The following CACHD1 variants were observed in gnomAD, a reference collection of about 807,000 sequenced individuals.
CACHD1 encodes the protein cache domain containing 1, also known as VWFA and cache domain-containing protein 1.
CACHD1 carries 71 observed loss-of-function variants against 138.7 expected under a neutral mutation model. The ratio of observed to expected loss-of-function variants is 0.51; its 90% CI spans 0.42 to 0.62. The LOEUF (loss-of-function observed/expected upper bound fraction) is 0.62. Ranked by LOEUF, CACHD1 falls within the 20% of genes least tolerant of loss-of-function variation. The pLI, the probability that CACHD1 is intolerant of heterozygous loss-of-function variation, is 0.00. For synonymous variants in CACHD1, 578 were observed against 591.5 expected (o/e 0.98, Z 0.33); for missense variants, 1,389 against 1,625.3 (o/e 0.85, Z 2.50).
intron 7 of CACHD1, among the ~76,000 whole-genome samples, chr1:64,636,523 GTTCATGCTAAGGTTCA>G (rs1310686015): frequency 6.6e-6 from 1 of 152,144 alleles, no homozygotes; most frequent in Non-Finnish European, 1.5e-5. Context: ...GCTAAGGTTT[GTTCATGCTAAGGTTCA>G]TTCATGCTAA....
chr1:64,475,955 A>G (rs887178719), intron 1 of CACHD1, among the ~76,000 whole-genome samples: 1 of 152,176 alleles, frequency 6.6e-6, no homozygotes, highest in African/African-American at 2.4e-5. Flanking sequence ...ACACTGCAGT[A>G]GGTTAGTGCA....
At chr1:64,675,348 G>C in intron 19 of CACHD1, 53 bp from the exon 20 acceptor site, 1 of 1,437,150 alleles carries the variant, frequency 7.0e-7, no homozygotes, top group Non-Finnish European at 9.5e-7. Flanking sequence ...CCAAGGTAGG[G>C]CTGAGTCTTT....
intron 4 of CACHD1, among the ~76,000 whole-genome samples, chr1:64,617,430 C>G (rs1456373384): frequency 6.6e-6 from 1 of 151,840 alleles, no homozygotes; most frequent in Non-Finnish European, 1.5e-5. Context: ...ATTCCCTGAA[C>G]CCATGACCAG....
At chr1:64,627,342 G>A (rs1323383412) in intron 4 of CACHD1, among the ~76,000 whole-genome samples, 1 of 152,170 alleles carries the variant, frequency 6.6e-6, no homozygotes, top group Non-Finnish European at 1.5e-5. Context: ...AGGAGATCAA[G>A]GCTGCAGTGA....
intron 1 of CACHD1, among the ~76,000 whole-genome samples, chr1:64,491,839 T>G (rs925453310): frequency 1.3e-5 from 2 of 152,172 alleles, no homozygotes; most frequent in African/African-American, 4.8e-5. Flanking sequence ...CAGGCTAGTC[T>G]CAGACTCCTG....
chr1:64,631,647 C>G (rs1392094234), intron 5 of CACHD1, among the ~76,000 whole-genome samples: 2 of 152,134 alleles, frequency 1.3e-5, no homozygotes, highest in Non-Finnish European at 2.9e-5. Context: ...CTAATTTGTT[C>G]CAGCTTTAAA....
chr1:64,507,388 A>T (rs1646385625), intron 1 of CACHD1, among the ~76,000 whole-genome samples: 1 of 152,230 alleles, frequency 6.6e-6, no homozygotes, highest in African/African-American at 2.4e-5. Flanking sequence ...TGGAGGCCAC[A>T]GTTGAGACCA....
chr1:64,609,156 GC>G (rs1647441850), intron 4 of CACHD1, among the ~76,000 whole-genome samples: 1 of 152,096 alleles, frequency 6.6e-6, no homozygotes, highest in Non-Finnish European at 1.5e-5. Flanking sequence ...ATAATGAGTA[GC>G]TATGTACTAT....
chr1:64,647,540 C>T (rs1648948987), intron 8 of CACHD1, among the ~76,000 whole-genome samples: 1 of 152,096 alleles, frequency 6.6e-6, no homozygotes, highest in Non-Finnish European at 1.5e-5. Context: ...GAATGGGACT[C>T]CTTTATTTGC....
At chr1:64,501,235 C>A (rs1405138387) in intron 1 of CACHD1, among the ~76,000 whole-genome samples, 2 of 152,224 alleles carry the variant, frequency 1.3e-5, no homozygotes, top group East Asian at 3.9e-4. Context: ...AACTTACTAC[C>A]ATTATATTTT....
chr1:64,510,358 G>A (rs960777954), intron 1 of CACHD1, among the ~76,000 whole-genome samples: 1 of 152,162 alleles, frequency 6.6e-6, no homozygotes, highest in African/African-American at 2.4e-5. Context: ...CTCTCCTGCC[G>A]TGGCAGCTGG....
rs199572211 is a variant in CACHD1 at position 64,653,661 on chromosome 1, G to A, written c.1541-97G>A. 204 of 1,244,076 alleles carry A rather than the reference G, an allele frequency of 1.6e-4. No individual in the cohort carries two copies. The East Asian group carries it at 4.6e-3, about 28-fold the overall frequency. The allele number at this position is 1,244,076 out of a possible 1,614,324, so 77.1% of individuals were successfully genotyped here. On this transcript the variant is annotated intron_variant, in intron 10 of 26. Transcript: ENST00000651257. The stretch of plus-strand genomic sequence containing the variant: ...GTTGCAGAATGAGAAGTTGAGTATC[G>A]GGCAGCCAGCCCAGAGTACCCCATA...
At chr1:64,557,393 A>G (rs1184855511) in intron 2 of CACHD1, among the ~76,000 whole-genome samples, 3 of 152,176 alleles carry the variant, frequency 2.0e-5, no homozygotes, top group Non-Finnish European at 2.9e-5. Context: ...AATTTACTCA[A>G]TGAAATTGCA....
chr1:64,634,291 C>A (rs778433924), intron 7 of CACHD1, 31 bp downstream of exon 7: 13 of 1,531,524 alleles, frequency 8.5e-6, no homozygotes, highest in African/African-American at 1.4e-5. Context: ...GACTTAGAGG[C>A]ATAGTAGATA....
At chr1:64,634,356 TTTTA>T (rs1162068431) in intron 7 of CACHD1, 96 bp downstream of exon 7, 5 of 582,896 alleles carry the variant, frequency 8.6e-6, no homozygotes, top group African/African-American at 3.9e-5. Flanking sequence ...TTTAGAGAGA[TTTTA>T]TTTATTTATT....
At chr1:64,667,825 C>G (rs1390985091) in intron 16 of CACHD1, among the ~76,000 whole-genome samples, 3 of 152,194 alleles carry the variant, frequency 2.0e-5, no homozygotes, top group African/African-American at 7.2e-5. Context: ...AGCTTATCAT[C>G]AAGAGCCATT....
intron 1 of CACHD1, among the ~76,000 whole-genome samples, chr1:64,512,393 C>CAAAAAAAAAAAAAAAAAAAAAAAAAAA (rs551616431): frequency 3.8e-5 from 3 of 78,598 alleles, no homozygotes; most frequent in Admixed American, 1.2e-4. Flanking sequence ...GACTGTGTCT[C>CAAAAAAAAAAAAAAAAAAAAAAAAAAA]AAAAAAAAAA....
intron 5 of CACHD1, 122 bp from the exon 6 acceptor site, chr1:64,632,477 G>C (rs1262276089): frequency 3.1e-6 from 3 of 959,236 alleles, no homozygotes; most frequent in Non-Finnish European, 4.7e-6. Flanking sequence ...CTCCATCCTT[G>C]TGCCATCCCT....
At chr1:64,641,780 G>A in intron 7 of CACHD1, 40 bp from the exon 8 acceptor site, 1 of 1,417,948 alleles carries the variant, frequency 7.1e-7, no homozygotes, top group Non-Finnish European at 9.3e-7. Context: ...CCTTTAGCTG[G>A]AATCCAAAGA....
Sources: gnomAD v4.1 joint callset for allele counts (sites outside exome capture counted in the v4.1 genomes callset) on GRCh38, gnomAD v4.1.1 for gene constraint, MANE v1.5 for transcripts, NCBI Gene and HGNC (gene_info 2026-07-23, HGNC 2026-07-21) for gene names.